Variants in AKAP6 observed in about 807,000 individuals in gnomAD.
AKAP6 encodes the protein A-kinase anchoring protein 6.
A neutral mutation model predicts 188.5 loss-of-function variants in AKAP6; 58 were observed. The ratio of observed to expected loss-of-function variants is 0.31; its 90% CI spans 0.25 to 0.38. AKAP6 has a LOEUF of 0.38. Ranked by LOEUF, AKAP6 falls within the 10% of genes least tolerant of loss-of-function variation. The pLI is 1.00. For synonymous variants in AKAP6, 989 were observed against 998.6 expected (o/e 0.99, Z 0.18); for missense variants, 2,710 against 2,740.0 (o/e 0.99, Z 0.24).
At position 32,593,011 on chromosome 14, in the gene AKAP6, AACACACACACACACAC is replaced by A. The variant is rs60277036; in HGVS notation, c.2470-6363_2470-6348del. Reference sequence around the variant, plus strand: ...ACACAGTGTCCCCTACCCCCACCCCAACACACACACACACACACACACACACACACACACACACACA... The same window carrying A: ...ACACAGTGTCCCCTACCCCCACCCCAACACACACACACACACACACACACA... On this transcript the variant is annotated intron_variant, in intron 5 of 13. Coordinates refer to ENST00000280979, the MANE Select transcript of AKAP6 (RefSeq NM_004274.5). 6.1e-3 allele frequency among the ~76,000 whole-genome samples: 760 copies of A among 123,874 alleles called. 9 individuals carry two copies. The highest frequency in any genetic ancestry group is 0.021 in the African/African-American group (657 of 31,784). The allele number at this position is 123,874 out of a possible 152,430, so 81.3% of individuals were successfully genotyped here.
intron 7 of AKAP6, among the ~76,000 whole-genome samples, chr14:32,650,946 G>C (rs1390340933): frequency 6.6e-6 from 1 of 152,116 alleles, no homozygotes; most frequent in Non-Finnish European, 1.5e-5. Flanking sequence ...GGATTGTAAA[G>C]TTTGCTTCTT....
At position 32,548,079 on chromosome 14, in the gene AKAP6, C is replaced by A. The variant is rs540299821; in HGVS notation, c.2346+1080C>A. Among the ~76,000 whole-genome samples the A allele has an allele frequency of 4.1e-5, 6 of 147,942 alleles. No homozygotes were observed. The East Asian group carries it at 1.2e-3, about 29-fold the overall frequency. ...TTGTGTATGACTTTATGGTATGCAA[C>A]GCTCTCCCACATGCTTTTTTTTTTT... On this transcript the variant is annotated intron_variant, in intron 4 of 13. Transcript: ENST00000280979.
chr14:32,477,445 C>T (rs914373222), intron 2 of AKAP6, among the ~76,000 whole-genome samples: 3 of 151,990 alleles, frequency 2.0e-5, no homozygotes, highest in African/African-American at 7.3e-5. Flanking sequence ...GGTCCTGGGT[C>T]CATCTTATAC....
intron 7 of AKAP6, among the ~76,000 whole-genome samples, chr14:32,606,831 C>A (rs1886144512): frequency 6.6e-6 from 1 of 152,148 alleles, no homozygotes; most frequent in African/African-American, 2.4e-5. Flanking sequence ...AACAGAACAG[C>A]AAGCTTAAGG....
At chr14:32,427,987 T>G (rs1890089629) in intron 1 of AKAP6, among the ~76,000 whole-genome samples, 1 of 152,190 alleles carries the variant, frequency 6.6e-6, no homozygotes, top group African/African-American at 2.4e-5. Context: ...AATTTAGGCT[T>G]AGAGTTGATT....
At chr14:32,685,299 T>G (rs759390552) in intron 8 of AKAP6, among the ~76,000 whole-genome samples, 2 of 151,802 alleles carry the variant, frequency 1.3e-5, no homozygotes, top group Non-Finnish European at 1.5e-5. Flanking sequence ...AGGGGAAAAT[T>G]TAAGATACAG....
intron 1 of AKAP6, among the ~76,000 whole-genome samples, chr14:32,336,987 G>A (rs774774826): frequency 1.3e-5 from 2 of 152,124 alleles, no homozygotes; most frequent in South Asian, 2.1e-4. Flanking sequence ...GAAGAAATCC[G>A]CTTGCTTTTA....
chr14:32,670,729 C>CT (rs140078719), intron 7 of AKAP6, among the ~76,000 whole-genome samples: 3,797 of 148,110 alleles, frequency 0.026, 142 homozygotes, highest in African/African-American at 0.085. Context: ...TTTTTTTCTT[C>CT]TTTTTTTTTT....
At chr14:32,548,491 A>G (rs1230924691) in intron 4 of AKAP6, among the ~76,000 whole-genome samples, 2 of 152,006 alleles carry the variant, frequency 1.3e-5, no homozygotes, top group South Asian at 2.1e-4. Flanking sequence ...AGAGATGGAA[A>G]CAGCCTCCAT....
chr14:32,811,364 G>A (rs1185327702), intron 12 of AKAP6, among the ~76,000 whole-genome samples: 3 of 151,198 alleles, frequency 2.0e-5, no homozygotes, highest in African/African-American at 7.3e-5. Flanking sequence ...TGTAATCATA[G>A]TCTCATTATT....
At chr14:32,552,235 A>G (rs530527132) in intron 4 of AKAP6, among the ~76,000 whole-genome samples, 1 of 152,340 alleles carries the variant, frequency 6.6e-6, no homozygotes, top group South Asian at 2.1e-4. Context: ...AATAAGTTAC[A>G]GAGCCAGGCT....
rs930746836 is a variant in AKAP6 at position 32,696,165 on chromosome 14, C to A, written c.3000+55C>A. ...GCTGTGGAAGATCTGATTAGCCTGA[C>A]AAGTCTCTCTCTCTCTCTCAGGATA... On this transcript the variant is annotated intron_variant, in intron 9 of 13. Transcript: ENST00000280979. 7 of 1,553,682 alleles carry A rather than the reference C, an allele frequency of 4.5e-6. No homozygotes were observed. The African/African-American group carries it at 8.4e-5, about 19-fold the overall frequency.
chr14:32,642,536 G>A (rs1887804939), intron 7 of AKAP6, among the ~76,000 whole-genome samples: 3 of 152,226 alleles, frequency 2.0e-5, no homozygotes, highest in Middle Eastern at 3.4e-3. Flanking sequence ...TTTTTACATA[G>A]AGGGAAAATG....
chr14:32,760,323 C>T (rs549076897), intron 11 of AKAP6, among the ~76,000 whole-genome samples: 1 of 152,142 alleles, frequency 6.6e-6, no homozygotes, highest in Non-Finnish European at 1.5e-5. Context: ...GGACATTTAT[C>T]CTGTCTCAGA....
In AKAP6 at chr14:32,443,135, C is replaced by G. The variant is rs576020952; in HGVS notation, c.324+9318C>G. ...GTCCGGCCAGGCGTGGTGTCTCACG[C>G]CTGTAATCCCAGTACTTTGGGCGGC... On this transcript the variant is annotated intron_variant, in intron 2 of 13. Coordinates refer to ENST00000280979, the MANE Select transcript of AKAP6 (RefSeq NM_004274.5). Among the ~76,000 whole-genome samples the G allele has an allele frequency of 7.2e-5, 11 of 152,266 alleles. No individual in the cohort carries two copies. The South Asian group carries it at 2.3e-3, about 32-fold the overall frequency.
At chr14:32,782,437 A>G (rs1472094327) in intron 12 of AKAP6, among the ~76,000 whole-genome samples, 1 of 152,168 alleles carries the variant, frequency 6.6e-6, no homozygotes. Flanking sequence ...AATTTAAGAC[A>G]TGCCATTTGT....
intron 2 of AKAP6, among the ~76,000 whole-genome samples, chr14:32,444,395 T>G (rs1418127882): frequency 6.6e-6 from 1 of 152,140 alleles, no homozygotes; most frequent in Non-Finnish European, 1.5e-5. Context: ...CACTTGGTAT[T>G]AGGGCTGAGG....
At chr14:32,356,708 C>T (rs1386346397) in intron 1 of AKAP6, among the ~76,000 whole-genome samples, 1 of 151,942 alleles carries the variant, frequency 6.6e-6, no homozygotes, top group Non-Finnish European at 1.5e-5. Flanking sequence ...GTCCATATTC[C>T]CTTTACTCTA....
intron 2 of AKAP6, among the ~76,000 whole-genome samples, chr14:32,485,871 A>C (rs1448925858): frequency 6.6e-6 from 1 of 152,206 alleles, no homozygotes; most frequent in Non-Finnish European, 1.5e-5. Context: ...TTGGTGTTTT[A>C]GTCATGAAGT....
Sources: allele counts gnomAD v4.1 joint callset (sites outside exome capture counted in the v4.1 genomes callset), GRCh38; gene constraint gnomAD v4.1.1; transcripts MANE v1.5; gene names NCBI Gene and HGNC (gene_info 2026-07-23, HGNC 2026-07-21).